HLTF: variants seen among roughly 807,000 people sequenced by gnomAD.
HLTF encodes the protein DNA-dependent ATPase/E3 ubiquitin-protein ligase HLTF.
HLTF carries 127 observed loss-of-function variants against 129.4 expected under a neutral mutation model. That is an observed-to-expected ratio of 0.98 (90% CI 0.85 to 1.14). HLTF has a LOEUF of 1.14. Ranked by LOEUF, HLTF falls within the 50% of genes most tolerant of loss-of-function variation. The pLI is 0.00. For missense variants in HLTF, 1,139 were observed against 1,187.1 expected, an observed-to-expected ratio of 0.96 and a Z score of 0.60; for synonymous variants, 332 against 388.8, an observed-to-expected ratio of 0.85 and a Z score of 1.72.
chr3:149,057,632 A>T (rs1215022915), intron 13 of HLTF, among the ~76,000 whole-genome samples: 2 of 152,160 alleles, frequency 1.3e-5, no homozygotes, highest in Non-Finnish European at 2.9e-5. Flanking sequence ...ACTTATGTGA[A>T]TGTGGTCATT....
At chr3:149,030,116 G>C (rs1266982765), downstream of HLTF, 1 of 152,050 alleles carries the variant, frequency 6.6e-6, no homozygotes, top group Non-Finnish European at 1.5e-5. Context: ...ATGGCACCGA[G>C]GAAGGTAATA....
At chr3:149,033,903 A>C (rs577325133) in intron 24 of HLTF, among the ~76,000 whole-genome samples, 1 of 152,250 alleles carries the variant, frequency 6.6e-6, no homozygotes, top group Non-Finnish European at 1.5e-5. Context: ...CTTTTTCATG[A>C]CCAAAAAAAT....
At chr3:149,032,441 T>C in intron 24 of HLTF, 69 bp from the exon 25 acceptor site, 1 of 1,011,740 alleles carries the variant, frequency 9.9e-7, no homozygotes, top group Non-Finnish European at 1.4e-6. Flanking sequence ...TTAAAAAAAC[T>C]AAATGAAAGA....
At chr3:149,032,618 AAAGC>A (rs1715196668) in intron 24 of HLTF, among the ~76,000 whole-genome samples, 1 of 152,212 alleles carries the variant, frequency 6.6e-6, no homozygotes. Flanking sequence ...AAAGAAAAAA[AAAGC>A]AAACTATATA....
chr3:149,034,974 G>A lies in HLTF; in HGVS notation c.2821C>T (p.Gln941Ter). The part of the protein sequence containing the change: ...DPAWNPAAED[Q>*]CFDRCHRLGQ... ...AGTCTATGGCATCTGTCAAAGCACT[G>A]ATCTTCAGCAGCAGGATTCCAGGCC... Residue 941 changes from glutamine to a stop codon, truncating the protein, a stop_gained, in exon 24 of 25, where the codon CAG (glutamine) becomes TAG (stop). Coordinates refer to ENST00000310053, the MANE Select transcript of HLTF (RefSeq NM_003071.4). LOFTEE classifies it high-confidence loss of function. 1 of 1,613,656 alleles carries A rather than the reference G, an allele frequency of 6.2e-7. No homozygotes were observed. The highest frequency in any genetic ancestry group is 8.5e-7 in the Non-Finnish European group (1 of 1,179,590).
chr3:149,055,465 G>T, intron 13 of HLTF, 65 bp from the exon 14 acceptor site: 2 of 1,039,172 alleles, frequency 1.9e-6, no homozygotes, highest in Non-Finnish European at 3.0e-6. Flanking sequence ...TCAATAAGGA[G>T]ATGGCAATAA....
At position 149,048,137 on chromosome 3, in the gene HLTF, C is replaced by A; in HGVS notation, c.1783G>T (p.Asp595Tyr). ...AAAAAGGAAAGAAGAGACCACAAGTCCTTTAAAGAATTCTGGATTGGAGTA... is the reference window on the plus strand; with the variant it reads ...AAAAAGGAAAGAAGAGACCACAAGTACTTTAAAGAATTCTGGATTGGAGTA... Reference protein sequence around the residue: ...TGTPIQNSLKDLWSLLSFLKL... With the variant: ...TGTPIQNSLKYLWSLLSFLKL... Residue 595 changes from aspartate (D) to tyrosine (Y), a missense_variant, in exon 17 of 25, where the codon GAC becomes TAC. Physicochemically the swap from Asp to Tyr is radical, Grantham distance 160. Coordinates refer to ENST00000310053, the MANE Select transcript of HLTF (RefSeq NM_003071.4). 4 of 1,608,996 alleles carry A rather than the reference C, an allele frequency of 2.5e-6. No homozygotes were observed. The highest frequency in any genetic ancestry group is 3.4e-6 in the Non-Finnish European group (4 of 1,178,192).
rs1358161355 is a variant in HLTF at position 149,063,184 on chromosome 3, T to C, written c.1160+247A>G. On this transcript the variant is annotated intron_variant, in intron 10 of 24. Coordinates refer to ENST00000310053, the MANE Select transcript of HLTF (RefSeq NM_003071.4). ...ACGCCATTCTCCTGCCTCAGCCTCC[T>C]GGGTAACTGGGACTACAGGCGCCCA... 1.1e-5 allele frequency: 5 copies of C among 446,976 alleles called. No individual in the cohort carries two copies. The East Asian group carries it at 1.8e-4, about 16-fold the overall frequency. 27.7% of individuals were successfully genotyped at this position (446,976 alleles called of 1,614,324 possible).
At chr3:149,082,085 C>T (rs536208156) in intron 2 of HLTF, among the ~76,000 whole-genome samples, 4 of 152,234 alleles carry the variant, frequency 2.6e-5, no homozygotes, top group East Asian at 1.9e-4. Flanking sequence ...GAGTGAAAAA[C>T]GCCAGACTTA....
chr3:149,041,102 G>GT (rs1716097257), intron 20 of HLTF, among the ~76,000 whole-genome samples: 1 of 152,092 alleles, frequency 6.6e-6, no homozygotes, highest in African/African-American at 2.4e-5. Context: ...TGAAGATTTA[G>GT]TTTTTTGTAA....
At chr3:149,058,215 G>T (rs997381565) in intron 13 of HLTF, among the ~76,000 whole-genome samples, 1 of 152,176 alleles carries the variant, frequency 6.6e-6, no homozygotes, top group Non-Finnish European at 1.5e-5. Context: ...GGGACTACAG[G>T]CATGTGCTAC....
chr3:149,074,945 GAA>G (rs1719217949), intron 3 of HLTF, among the ~76,000 whole-genome samples: 1 of 152,020 alleles, frequency 6.6e-6, no homozygotes, highest in Non-Finnish European at 1.5e-5. Flanking sequence ...CTGAAAGATT[GAA>G]AGAGTTTAGA....
Position 149,030,866 on chromosome 3 carries a change from T to G in HLTF, c.*1354A>C, listed in dbSNP as rs1450075994. The G allele has an allele frequency of 6.6e-6, 1 of 152,208 alleles. No individual in the cohort carries two copies. The highest frequency in any genetic ancestry group is 1.5e-5 in the Non-Finnish European group (1 of 68,030). The allele number at this position is 152,208 out of a possible 1,614,324, so 9.4% of individuals were successfully genotyped here. A position where few individuals can be genotyped will look rare whatever the true frequency, so the allele number is the denominator to read the frequency against. ...AGAAAAGGACTTATCTGGTGAGAGA[T>G]TTGGCATATACCTTCAATGTGTGCC... On this transcript the variant is annotated 3_prime_UTR_variant, in exon 25 of 25. Transcript: ENST00000310053.
At position 149,056,788 on chromosome 3, in the gene HLTF, A is replaced by C. The variant is rs568432451; in HGVS notation, c.1376-1388T>G. Among the ~76,000 whole-genome samples, 4 of 152,346 alleles carry C rather than the reference A, an allele frequency of 2.6e-5. No individual in the cohort carries two copies. The South Asian group carries it at 8.3e-4, about 32-fold the overall frequency. On this transcript the variant is annotated intron_variant, in intron 13 of 24. Coordinates refer to ENST00000310053, the MANE Select transcript of HLTF (RefSeq NM_003071.4). The stretch of plus-strand genomic sequence containing the variant: ...TGAACTATGTGATGCACTTACATGC[A>C]AATTTTTGTTAACCAAACGTGGATT...
At chr3:149,085,924 C>T (rs566446624) in intron 1 of HLTF, among the ~76,000 whole-genome samples, 2 of 152,170 alleles carry the variant, frequency 1.3e-5, no homozygotes, top group Non-Finnish European at 2.9e-5. Flanking sequence ...AAATACTTAT[C>T]TGCACGTCTG....
At chr3:149,073,965 T>C (rs1719097685) in intron 4 of HLTF, among the ~76,000 whole-genome samples, 1 of 152,190 alleles carries the variant, frequency 6.6e-6, no homozygotes, top group Non-Finnish European at 1.5e-5. Flanking sequence ...TGAGACTTCA[T>C]TGCATATATA....
chr3:149,047,651 A>C (rs1716661294), intron 17 of HLTF, among the ~76,000 whole-genome samples: 1 of 152,048 alleles, frequency 6.6e-6, no homozygotes, highest in African/African-American at 2.4e-5. Context: ...CAAATAAATA[A>C]ATACATAAAT....
chr3:149,045,984 T>C (rs1716515787), intron 18 of HLTF, 96 bp downstream of exon 18: 6 of 863,826 alleles, frequency 6.9e-6, no homozygotes, highest in Non-Finnish European at 1.1e-5. Context: ...TCAGTATACT[T>C]CAAACTATTG....
chr3:149,072,172 C>G (rs115425356), intron 5 of HLTF, among the ~76,000 whole-genome samples: 2,739 of 152,262 alleles, frequency 0.018, 85 homozygotes, highest in African/African-American at 0.062. Flanking sequence ...TGAACAGGTG[C>G]TTTAGTTGTT....
Sources: allele counts gnomAD v4.1 joint callset (sites outside exome capture counted in the v4.1 genomes callset), GRCh38; gene constraint gnomAD v4.1.1; transcripts MANE v1.5; gene names NCBI Gene and HGNC (gene_info 2026-07-23, HGNC 2026-07-21).